The following CTNNA3 variants were observed in gnomAD, a reference collection of about 807,000 sequenced individuals.
The protein encoded by CTNNA3 is catenin alpha-3.
A neutral mutation model predicts 95.7 loss-of-function variants in CTNNA3; 76 were observed. That is an observed-to-expected ratio of 0.79 (90% confidence interval 0.66 to 0.96). The LOEUF (loss-of-function observed/expected upper bound fraction) is 0.96, where lower values mean the gene tolerates loss of function less well. Ranked by LOEUF, CTNNA3 falls within the 40% of genes least tolerant of loss-of-function variation. The pLI is 0.00. For synonymous variants in CTNNA3, 431 were observed against 374.4 expected, an observed-to-expected ratio of 1.15 and a Z score of -1.74; for missense variants, 1,191 against 1,089.8, an observed-to-expected ratio of 1.09 and a Z score of -1.31.
intron 12 of CTNNA3, among the ~76,000 whole-genome samples, chr10:66,336,093 G>A (rs1421256754): frequency 1.3e-5 from 2 of 152,198 alleles, no homozygotes; most frequent in South Asian, 2.1e-4. Context: ...CGCAGTATTA[G>A]GGTGGGAGTG....
intron 7 of CTNNA3, among the ~76,000 whole-genome samples, chr10:66,819,547 A>G (rs1842224231): frequency 6.6e-6 from 1 of 152,150 alleles, no homozygotes; most frequent in Non-Finnish European, 1.5e-5. Flanking sequence ...CAATCAAGAA[A>G]TTGAAAAAAA....
At chr10:65,979,188 G>T (rs2078269798) in intron 16 of CTNNA3, among the ~76,000 whole-genome samples, 1 of 152,022 alleles carries the variant, frequency 6.6e-6, no homozygotes, top group Non-Finnish European at 1.5e-5. Context: ...TTTCAACTTG[G>T]TTTGCACATA....
At chr10:67,162,163 C>T (rs146436719) in intron 7 of CTNNA3, among the ~76,000 whole-genome samples, 32 of 152,058 alleles carry the variant, frequency 2.1e-4, no homozygotes, top group Non-Finnish European at 3.1e-4. Flanking sequence ...TTCAACAATA[C>T]CATCAACCAA....
At chr10:66,400,296 C>T (rs1442402622) in intron 11 of CTNNA3, among the ~76,000 whole-genome samples, 2 of 152,026 alleles carry the variant, frequency 1.3e-5, no homozygotes, top group African/African-American at 4.8e-5. Context: ...AAAAGAGAAA[C>T]ATAATCTGTT....
chr10:67,419,432 T>C (rs1331014422), intron 5 of CTNNA3, among the ~76,000 whole-genome samples: 1 of 152,188 alleles, frequency 6.6e-6, no homozygotes, highest in Non-Finnish European at 1.5e-5. Context: ...TTGCATGATG[T>C]TGAGGTTTGG....
At chr10:66,743,703 T>C (rs1849402410) in intron 9 of CTNNA3, among the ~76,000 whole-genome samples, 1 of 150,480 alleles carries the variant, frequency 6.6e-6, no homozygotes, top group South Asian at 2.1e-4. Flanking sequence ...GGAGGTCGGG[T>C]GTGGTGGCTC....
chr10:66,721,075 C>T (rs79440624), intron 9 of CTNNA3, among the ~76,000 whole-genome samples: 12,359 of 152,162 alleles, frequency 0.081, 556 homozygotes, highest in Middle Eastern at 0.13. Context: ...CCAGGTGAAT[C>T]ACACGTACAG....
chr10:67,361,630 A>C (rs1435378058), intron 5 of CTNNA3, among the ~76,000 whole-genome samples: 1 of 152,212 alleles, frequency 6.6e-6, no homozygotes, highest in Non-Finnish European at 1.5e-5. Context: ...AGCAGCATTA[A>C]GAGGAAAGTT....
At chr10:66,459,699 C>A (rs998633774) in intron 11 of CTNNA3, among the ~76,000 whole-genome samples, 2 of 152,152 alleles carry the variant, frequency 1.3e-5, no homozygotes, top group Non-Finnish European at 2.9e-5. Flanking sequence ...CTAAAACCTG[C>A]ATAGCATGTT....
chr10:66,569,251 C>T (rs546651030), intron 10 of CTNNA3, among the ~76,000 whole-genome samples: 1 of 152,120 alleles, frequency 6.6e-6, no homozygotes, highest in African/African-American at 2.4e-5. Flanking sequence ...TATTTCTTAG[C>T]TGCGCCAGCC....
intron 7 of CTNNA3, among the ~76,000 whole-genome samples, chr10:67,041,296 T>C (rs1331740523): frequency 2.6e-5 from 4 of 152,152 alleles, no homozygotes; most frequent in African/African-American, 2.4e-5. Context: ...TCCAGCCTTA[T>C]GGAGAGTTAA....
intron 1 of CTNNA3, among the ~76,000 whole-genome samples, chr10:67,704,549 G>A (rs950519898): frequency 2.0e-5 from 3 of 152,132 alleles, no homozygotes; most frequent in Admixed American, 6.5e-5. Flanking sequence ...TTTAATAAAC[G>A]GTGCTGGGAA....
chr10:66,486,803 G>A (rs1241915961), intron 11 of CTNNA3, among the ~76,000 whole-genome samples: 2 of 149,926 alleles, frequency 1.3e-5, no homozygotes, highest in East Asian at 2.0e-4. Flanking sequence ...ATCAACAGAC[G>A]CATGGATGAA....
At chr10:67,076,929 A>G (rs1856777257) in intron 7 of CTNNA3, among the ~76,000 whole-genome samples, 1 of 152,188 alleles carries the variant, frequency 6.6e-6, no homozygotes, top group South Asian at 2.1e-4. Flanking sequence ...CCATTGGACT[A>G]TGTCAAAATC....
chr10:67,507,052 A>C (rs527954539), intron 5 of CTNNA3, among the ~76,000 whole-genome samples: 1 of 152,342 alleles, frequency 6.6e-6, no homozygotes, highest in African/African-American at 2.4e-5. Flanking sequence ...AACCAGAAAT[A>C]AAAGAGGAAA....
chr10:67,505,581 T>G (rs1839404720), intron 5 of CTNNA3, among the ~76,000 whole-genome samples: 1 of 152,172 alleles, frequency 6.6e-6, no homozygotes, highest in Non-Finnish European at 1.5e-5. Flanking sequence ...ACAGTAAGGT[T>G]AAAACAAAAT....
At chr10:67,017,098 A>G (rs1852706534) in intron 7 of CTNNA3, among the ~76,000 whole-genome samples, 1 of 152,236 alleles carries the variant, frequency 6.6e-6, no homozygotes, top group Admixed American at 6.5e-5. Flanking sequence ...ATAGCTAATC[A>G]TTGTATAATA....
intron 7 of CTNNA3, among the ~76,000 whole-genome samples, chr10:66,909,905 T>C (rs145290738): frequency 1.2e-3 from 177 of 152,282 alleles, no homozygotes; most frequent in African/African-American, 4.1e-3. Flanking sequence ...GTATCCATTA[T>C]CTGTTAAAAG....
At chr10:67,600,545 A>G (rs1843054467) in intron 3 of CTNNA3, among the ~76,000 whole-genome samples, 1 of 152,202 alleles carries the variant, frequency 6.6e-6, no homozygotes, top group South Asian at 2.1e-4. Context: ...CATACATTTG[A>G]ATTAAAAACA....
Sources: allele counts gnomAD v4.1 joint callset (sites outside exome capture counted in the v4.1 genomes callset), GRCh38; gene constraint gnomAD v4.1.1; transcripts MANE v1.5; gene names NCBI Gene and HGNC (gene_info 2026-07-23, HGNC 2026-07-21).